Variants in XRCC4 observed in about 807,000 individuals in gnomAD.
XRCC4 encodes DNA repair protein XRCC4.
A neutral mutation model predicts 39.1 loss-of-function variants in XRCC4; 28 were observed. The ratio of observed to expected loss-of-function variants is 0.72; its 90% CI spans 0.53 to 0.98. The LOEUF (loss-of-function observed/expected upper bound fraction) is 0.98, where lower values mean the gene tolerates loss of function less well. Among genes scored for constraint, XRCC4 ranks in the 50% least tolerant of loss-of-function variants. XRCC4 has a pLI of 0.00. For missense variants in XRCC4, 350 were observed against 376.4 expected (o/e 0.93, Z 0.58); for synonymous variants, 123 against 126.4 (o/e 0.97, Z 0.18).
intron 6 of XRCC4, among the ~76,000 whole-genome samples, chr5:83,231,224 G>A (rs1752483813): frequency 6.6e-6 from 1 of 151,908 alleles, no homozygotes; most frequent in Non-Finnish European, 1.5e-5. Flanking sequence ...GAAAGTATTT[G>A]CATCCTATGG....
chr5:83,175,351 A>G (rs976515151), intron 3 of XRCC4, among the ~76,000 whole-genome samples: 1 of 152,222 alleles, frequency 6.6e-6, no homozygotes, highest in Non-Finnish European at 1.5e-5. Context: ...AACTAAAATG[A>G]TAAAGACCTT....
At chr5:83,108,807 A>G (rs1266871210) in intron 2 of XRCC4, among the ~76,000 whole-genome samples, 1 of 151,502 alleles carries the variant, frequency 6.6e-6, no homozygotes, top group Non-Finnish European at 1.5e-5. Context: ...CATAATGCAA[A>G]CACAAAATAT....
chr5:83,215,930 G>T (rs1182439321), intron 6 of XRCC4, among the ~76,000 whole-genome samples: 8 of 151,826 alleles, frequency 5.3e-5, no homozygotes, highest in African/African-American at 1.5e-4. Context: ...AATATCAAAA[G>T]CACAATACAT....
intron 3 of XRCC4, among the ~76,000 whole-genome samples, chr5:83,186,867 A>G (rs1300805918): frequency 6.6e-6 from 1 of 152,138 alleles, no homozygotes; most frequent in Non-Finnish European, 1.5e-5. Flanking sequence ...GAGGCTCTAC[A>G]GGAGAACCCA....
At position 83,280,352 on chromosome 5, in the gene XRCC4, G is replaced by A. The variant is rs138670544; in HGVS notation, c.893+21675G>A. 1.2e-3 allele frequency: 583 copies of A among 484,838 alleles called. 8 individuals are homozygous for A. In the Admixed American group the frequency reaches 0.017, roughly 14 times the overall value. The allele number at this position is 484,838 out of a possible 1,614,324, so 30.0% of individuals were successfully genotyped here. ...TCCTCTATTCCTGATACTAGATCAT[G>A]CATTTCCTTCATGTTTCTTGAATGT... On this transcript the variant is annotated intron_variant, in intron 7 of 7. Transcript: ENST00000396027.
rs116153209 is a variant in XRCC4, at chr5:83,225,272, G to C, written c.745+20351G>C. 2.5e-3 allele frequency among the ~76,000 whole-genome samples: 382 copies of C among 152,212 alleles called. 1 individual carries two copies. Among genetic ancestry groups the C allele is most frequent in the African/African-American group, 8.8e-3 (367 of 41,548 alleles). On this transcript the variant is annotated intron_variant, in intron 6 of 7. Transcript: ENST00000396027. The stretch of plus-strand genomic sequence containing the variant: ...GGAGCCAGACTCTTAAGTTGTAGCT[G>C]TTATGGTTGGGGTGTTGAATGTGTG...
intron 1 of XRCC4, among the ~76,000 whole-genome samples, chr5:83,101,038 T>G (rs1043993911): frequency 7.9e-5 from 12 of 152,084 alleles, no homozygotes; most frequent in African/African-American, 2.9e-4. Flanking sequence ...CCTACAAACT[T>G]AAATATATTT....
At chr5:83,183,962 A>C (rs1295397551) in intron 3 of XRCC4, among the ~76,000 whole-genome samples, 1 of 152,168 alleles carries the variant, frequency 6.6e-6, no homozygotes, top group Non-Finnish European at 1.5e-5. Flanking sequence ...TAGGTAAATA[A>C]GATTATATAG....
intron 6 of XRCC4, among the ~76,000 whole-genome samples, chr5:83,238,214 A>G (rs1376179137): frequency 6.6e-6 from 1 of 152,166 alleles, no homozygotes; most frequent in Non-Finnish European, 1.5e-5. Flanking sequence ...TCAAAGGGAA[A>G]CTTATGATGG....
intron 3 of XRCC4, among the ~76,000 whole-genome samples, chr5:83,142,662 TGA>T (rs1311814056): frequency 6.8e-6 from 1 of 145,990 alleles, no homozygotes; most frequent in Non-Finnish European, 1.5e-5. Context: ...TGAAGTTTTG[TGA>T]GAGTGAGTCT....
intron 7 of XRCC4, among the ~76,000 whole-genome samples, chr5:83,289,284 C>T (rs1436955135): frequency 2.6e-5 from 4 of 151,804 alleles, no homozygotes; most frequent in African/African-American, 9.7e-5. Context: ...ATGCTTGTTT[C>T]TACTATTAAA....
intron 4 of XRCC4, among the ~76,000 whole-genome samples, chr5:83,199,976 G>C (rs1751114293): frequency 6.6e-6 from 1 of 151,970 alleles, no homozygotes; most frequent in African/African-American, 2.4e-5. Flanking sequence ...TGATCTAGTT[G>C]TACATGGGCT....
At chr5:83,233,469 T>C (rs1752569365) in intron 6 of XRCC4, among the ~76,000 whole-genome samples, 3 of 152,194 alleles carry the variant, frequency 2.0e-5, no homozygotes, top group Admixed American at 2.0e-4. Flanking sequence ...TAATATATGT[T>C]GATCGTTTCC....
chr5:83,264,172 G>T (rs1392274774), intron 7 of XRCC4, among the ~76,000 whole-genome samples: 2 of 152,112 alleles, frequency 1.3e-5, no homozygotes, highest in Non-Finnish European at 1.5e-5. Context: ...TATCCTTGAA[G>T]AAATTGCACA....
intron 3 of XRCC4, 30 bp downstream of exon 3, chr5:83,111,233 G>A (rs763526202): frequency 6.6e-7 from 1 of 1,518,614 alleles, no homozygotes; most frequent in South Asian, 1.3e-5. Context: ...ATGTTACATA[G>A]TAAAATGTCA....
chr5:83,365,108 T>C, the XRCC4 span, among the ~76,000 whole-genome samples: 2 of 152,152 alleles, frequency 1.3e-5, no homozygotes, highest in Non-Finnish European at 2.9e-5. Context: ...TCAGAGGCCA[T>C]TCGATGGGAG....
intron 3 of XRCC4, among the ~76,000 whole-genome samples, chr5:83,115,079 C>G (rs1465255406): frequency 2.6e-5 from 4 of 152,040 alleles, no homozygotes; most frequent in African/African-American, 9.7e-5. Flanking sequence ...AGGAAAGACC[C>G]ACCCCCATGA....
chr5:83,130,423 A>G (rs1215200400), intron 3 of XRCC4, among the ~76,000 whole-genome samples: 1 of 152,094 alleles, frequency 6.6e-6, no homozygotes, highest in Admixed American at 6.6e-5. Flanking sequence ...ATTGGTCTAA[A>G]ATTGTCTTTT....
At chr5:83,321,615 A>C (rs1253903312) in intron 7 of XRCC4, among the ~76,000 whole-genome samples, 1 of 152,168 alleles carries the variant, frequency 6.6e-6, no homozygotes, top group African/African-American at 2.4e-5. Context: ...ACTATGAAGA[A>C]CATGAATGTA....
Sources: gnomAD v4.1 joint callset for allele counts (sites outside exome capture counted in the v4.1 genomes callset) on GRCh38, gnomAD v4.1.1 for gene constraint, MANE v1.5 for transcripts, NCBI Gene and HGNC (gene_info 2026-07-23, HGNC 2026-07-21) for gene names.